The following ADAM17 variants were observed in gnomAD, a reference collection of about 807,000 sequenced individuals.
The protein encoded by ADAM17 is disintegrin and metalloproteinase domain-containing protein 17.
ADAM17 carries 39 observed loss-of-function variants against 96.7 expected under a neutral mutation model. The ratio of observed to expected loss-of-function variants is 0.40; its 90% confidence interval spans 0.31 to 0.53. The LOEUF is 0.53. ADAM17 is among the 20% of genes least tolerant of loss of function. The pLI, the probability that ADAM17 is intolerant of heterozygous loss-of-function variation, is 0.44. For missense variants in ADAM17, 777 were observed against 1,013.2 expected (o/e 0.77, Z 3.17); for synonymous variants, 344 against 359.2 (o/e 0.96, Z 0.48).
rs375162225 is a variant in ADAM17, at chr2:9,521,312, C to A, written c.848G>T (p.Arg283Leu). The change falls in exon 8 of 19, where the codon CGC (arginine) becomes CTC (leucine). Residue 283 changes from arginine (R) to leucine (L), a missense_variant. Arg to Leu is a moderately radical substitution (Grantham distance 102). This residue lies in a region of ADAM17 where 446 missense variants were observed against 664.7 expected (regional missense o/e 0.67). Transcript: ENST00000310823. ...TACCTCTTGTGGAGACTTGAGAATGCGAATCTATACTTAAAGAGATCATAT... is the reference window on the plus strand; with the variant it reads ...TACCTCTTGTGGAGACTTGAGAATGAGAATCTATACTTAAAGAGATCATAT... ...KGYGIQIEQI[R>L]ILKSPQEVKP... 1.3e-6 allele frequency: 2 copies of A among 1,588,050 alleles called. No individual in the cohort carries two copies. The highest frequency in any genetic ancestry group is 1.7e-6 in the Non-Finnish European group (2 of 1,157,026).
chr2:9,548,466 T>C (rs1665482364), intron 1 of ADAM17, among the ~76,000 whole-genome samples: 1 of 151,422 alleles, frequency 6.6e-6, no homozygotes, highest in Admixed American at 6.6e-5. Flanking sequence ...ACTCCTAGGT[T>C]GTGGCTCACT....
intron 4 of ADAM17, among the ~76,000 whole-genome samples, chr2:9,534,552 AC>A (rs1237360440): frequency 2.6e-4 from 39 of 152,176 alleles, no homozygotes; most frequent in Admixed American, 1.8e-3. Flanking sequence ...AAACAAACAA[AC>A]AAACAAAACC....
At chr2:9,496,968 C>T (rs1407969823) in intron 14 of ADAM17, 146 bp downstream of exon 14, 13 of 1,237,016 alleles carry the variant, frequency 1.1e-5, no homozygotes, top group Non-Finnish European at 1.4e-5. Flanking sequence ...TGTCTCCAGA[C>T]ACCACCCTGC....
In ADAM17 at chr2:9,555,557, C is replaced by T. The variant is rs759260210; in HGVS notation, c.49G>A (p.Ala17Thr). 10 of 1,603,114 alleles carry T rather than the reference C, an allele frequency of 6.2e-6. No individual in the cohort carries two copies. In the South Asian group the frequency reaches 1.1e-4, roughly 18 times the overall value. ...FLTSVVPFVL[A>T]PRPPDDPGFG... ...CCCGGGTCATCCGGAGGTCGCGGCG[C>T]CAGCACGAAAGGAACCACGCTGGTC... Residue 17 changes from alanine to threonine, a missense_variant, in exon 1 of 19, where the codon GCG becomes ACG. Ala to Thr is a moderately conservative substitution (Grantham distance 58). Coordinates refer to ENST00000310823, the MANE Select transcript of ADAM17 (RefSeq NM_003183.6).
intron 1 of ADAM17, among the ~76,000 whole-genome samples, chr2:9,548,302 A>C (rs893616974): frequency 2.0e-5 from 3 of 152,112 alleles, no homozygotes; most frequent in Non-Finnish European, 4.4e-5. Flanking sequence ...ACTGCACTCC[A>C]ACCTGGGTGA....
chr2:9,518,547 GACATACAGC>G (rs1664172614), intron 8 of ADAM17, among the ~76,000 whole-genome samples: 2 of 152,186 alleles, frequency 1.3e-5, no homozygotes, highest in African/African-American at 2.4e-5. Context: ...CTGTTCTGAA[GACATACAGC>G]CCAGGACTAG....
At chr2:9,520,280 G>A (rs766706385) in intron 8 of ADAM17, among the ~76,000 whole-genome samples, 3 of 152,160 alleles carry the variant, frequency 2.0e-5, no homozygotes, top group Non-Finnish European at 4.4e-5. Context: ...TTCATATAAA[G>A]TCATTCTACA....
chr2:9,535,328 T>C (rs1664915654), intron 4 of ADAM17, among the ~76,000 whole-genome samples: 1 of 152,224 alleles, frequency 6.6e-6, no homozygotes, highest in Admixed American at 6.5e-5. Context: ...CAGATAGATA[T>C]GTGTCTTAAC....
rs1267885541 is a variant in ADAM17 at position 9,541,147 on chromosome 2, TAGTC to T, written c.230+2002_230+2005del. 5.9e-5 allele frequency among the ~76,000 whole-genome samples: 9 copies of T among 152,240 alleles called. No individual in the cohort carries two copies. The East Asian group carries it at 7.7e-4, about 13-fold the overall frequency. On this transcript the variant is annotated intron_variant, in intron 2 of 18. Coordinates refer to ENST00000310823, the MANE Select transcript of ADAM17 (RefSeq NM_003183.6). The stretch of plus-strand genomic sequence containing the variant: ...TAAACAATATCCATCTGTAGTGTAT[TAGTC>T]AGTATGTTGTTACAATTCTATGCAA...
At chr2:9,521,880 A>AT (rs1484198253) in intron 7 of ADAM17, 1 of 103,988 alleles carries the variant, frequency 9.6e-6, no homozygotes, top group African/African-American at 3.0e-5. Context: ...GAGAAGGCCC[A>AT]TTCTGGTCTC....
rs751249609 is a variant in ADAM17 at position 9,502,187 on chromosome 2, A to G, written c.1634T>C (p.Val545Ala). 9.3e-6 allele frequency: 15 copies of G among 1,613,882 alleles called. No homozygotes were observed. In the East Asian group the frequency reaches 2.5e-4, roughly 26 times the overall value. Reference sequence around the variant, plus strand: ...AGAACACGAACCTGTGCAGTAGGACACGCCTTTGCAAGTAGCATTAATCGC... The same window carrying G: ...AGAACACGAACCTGTGCAGTAGGACGCGCCTTTGCAAGTAGCATTAATCGC... ...QEAINATCKG[V>A]SYCTGNSSEC... Residue 545 changes from valine to alanine, a missense_variant, in exon 13 of 19, where the codon GTG becomes GCG. Coordinates refer to ENST00000310823, the MANE Select transcript of ADAM17 (RefSeq NM_003183.6).
chr2:9,525,549 A>T lies in ADAM17; in HGVS notation c.753+562T>A, dbSNP rs143637819. On this transcript the variant is annotated intron_variant, in intron 6 of 18. Transcript: ENST00000310823. ...ATGTCAATGAAAAATGATTCCCCAGACTTCAAAAATCATAATAGTTCATAC... is the reference window on the plus strand; with the variant it reads ...ATGTCAATGAAAAATGATTCCCCAGTCTTCAAAAATCATAATAGTTCATAC... 6.1e-4 allele frequency among the ~76,000 whole-genome samples: 93 copies of T among 152,292 alleles called. 2 individuals are homozygous for T. Among genetic ancestry groups the T allele is most frequent in the African/African-American group, 2.0e-3 (85 of 41,558 alleles).
At chr2:9,547,835 A>T (rs895907304) in intron 1 of ADAM17, among the ~76,000 whole-genome samples, 1 of 152,046 alleles carries the variant, frequency 6.6e-6, no homozygotes, top group Non-Finnish European at 1.5e-5. Flanking sequence ...AGATCGCTTG[A>T]GCCCCAGGAG....
chr2:9,528,911 T>C (rs965673483), intron 4 of ADAM17, among the ~76,000 whole-genome samples: 9 of 152,138 alleles, frequency 5.9e-5, no homozygotes, highest in Non-Finnish European at 1.3e-4. Context: ...AGGTTAAAAG[T>C]AGAAGTACCA....
chr2:9,544,803 C>T (rs554008788), intron 1 of ADAM17, among the ~76,000 whole-genome samples: 18 of 151,516 alleles, frequency 1.2e-4, no homozygotes, highest in East Asian at 1.2e-3. Flanking sequence ...TCCAGCCTGG[C>T]GACAGAGCAA....
chr2:9,555,197 A>G (rs1665701951), intron 1 of ADAM17, among the ~76,000 whole-genome samples: 1 of 151,926 alleles, frequency 6.6e-6, no homozygotes, highest in South Asian at 2.1e-4. Context: ...TCCAAACAAG[A>G]TCCAGCCACC....
At chr2:9,526,393 G>A in intron 5 of ADAM17, 149 bp from the exon 6 acceptor site, 1 of 823,536 alleles carries the variant, frequency 1.2e-6, no homozygotes, top group Non-Finnish European at 1.8e-6. Context: ...AAAATAATTT[G>A]GAGGAAGACA....
At chr2:9,541,295 G>C (rs1041139464) in intron 2 of ADAM17, among the ~76,000 whole-genome samples, 6 of 152,156 alleles carry the variant, frequency 3.9e-5, no homozygotes, top group African/African-American at 1.4e-4. Context: ...GGGCACGGTG[G>C]CTCACACCTG....
chr2:9,527,879 A>C lies in ADAM17; in HGVS notation c.526T>G (p.Ser176Ala). Residue 176 changes from serine to alanine, a missense_variant, in exon 5 of 19, where the codon TCA (serine) becomes GCA (alanine). Physicochemically the swap from Ser to Ala is moderately conservative, Grantham distance 99. Transcript: ENST00000310823. ...CACACTTTTGGAGACTGCAAACGTGAAACATTCTTGATATCTTCAGATTTA... is the reference window on the plus strand; with the variant it reads ...CACACTTTTGGAGACTGCAAACGTGCAACATTCTTGATATCTTCAGATTTA... ...VYKSEDIKNV[S>A]RLQSPKVCGY... is the part of the protein sequence containing the mutation. 6.3e-7 allele frequency: 1 copy of C among 1,599,450 alleles called. No homozygotes were observed. Among genetic ancestry groups the C allele is most frequent in the South Asian group, 1.1e-5 (1 of 88,734 alleles).
Sources: gnomAD v4.1 joint callset for allele counts (sites outside exome capture counted in the v4.1 genomes callset) on GRCh38, gnomAD v4.1.1 for gene constraint, gnomAD v4.1.1 regional missense constraint, MANE v1.5 for transcripts, NCBI Gene and HGNC (gene_info 2026-07-23, HGNC 2026-07-21) for gene names.